Variants in KLHL1 observed in about 807,000 individuals in gnomAD.
KLHL1 encodes the protein kelch like family member 1.
A neutral mutation model predicts 77.7 loss-of-function variants in KLHL1; 47 were observed. The observed-to-expected ratio is 0.60, with a 90% CI of 0.48 to 0.77. The LOEUF (loss-of-function observed/expected upper bound fraction) is 0.77, where lower values mean the gene tolerates loss of function less well. Ranked by LOEUF, KLHL1 falls within the 30% of genes least tolerant of loss-of-function variation. The probability of loss-of-function intolerance (pLI) is 0.00; values close to 1 mark genes in which losing one functional copy is unlikely to be tolerated. For synonymous variants in KLHL1, 360 were observed against 325.2 expected, an observed-to-expected ratio of 1.11 and a Z score of -1.15; for missense variants, 925 against 910.8, an observed-to-expected ratio of 1.02 and a Z score of -0.20.
At position 70,107,211 on chromosome 13, in the gene KLHL1, A is replaced by G. The variant is rs1407226664; in HGVS notation, c.489T>C (p.Cys163=). The change falls in exon 1 of 11, where the codon TGT becomes TGC. Residue 163 remains cysteine, a synonymous_variant. Coordinates refer to ENST00000377844, the MANE Select transcript of KLHL1 (RefSeq NM_020866.3). The stretch of plus-strand genomic sequence containing the variant: ...GTGGGGACTTACTGTACCTGTGTCC[A>G]CATCCTTCACCTGTTGCCTGGCTAG... ...DNSSQATGEG[C]GHRLSSTGHS... is the part of the protein sequence containing the mutation. 2.5e-6 allele frequency: 4 copies of G among 1,607,528 alleles called. No individual in the cohort carries two copies. In the African/African-American group the frequency reaches 5.3e-5, roughly 21 times the overall value.
intron 1 of KLHL1, among the ~76,000 whole-genome samples, chr13:70,077,131 T>G (rs1375844493): frequency 6.6e-6 from 1 of 151,974 alleles, no homozygotes; most frequent in Non-Finnish European, 1.5e-5. Context: ...AGATATTTAC[T>G]CAAACGAGTT....
At chr13:69,813,503 C>CACACACATAT (rs34163072) in intron 6 of KLHL1, among the ~76,000 whole-genome samples, 27 of 148,916 alleles carry the variant, frequency 1.8e-4, no homozygotes, top group African/African-American at 4.2e-4. Context: ...CACACACACA[C>CACACACATAT]ATATATATAT....
rs1215310894 is a variant in KLHL1, at chr13:69,982,260, C to T, written c.498-6458G>A. Among the ~76,000 whole-genome samples, 4 of 151,504 alleles carry T rather than the reference C, an allele frequency of 2.6e-5. No individual in the cohort carries two copies. The South Asian group carries it at 6.2e-4, about 24-fold the overall frequency. ...ACCAGCCTGGGCAACACGGTGAAAC[C>T]CTGTCTCTGCTAAAAATACTAAAAA... On this transcript the variant is annotated intron_variant, in intron 1 of 10. Coordinates refer to ENST00000377844, the MANE Select transcript of KLHL1 (RefSeq NM_020866.3).
chr13:69,701,882 C>A, intron 10 of KLHL1, 121 bp from the exon 11 acceptor site: 1 of 689,716 alleles, frequency 1.4e-6, no homozygotes, highest in Non-Finnish European at 2.4e-6. Context: ...CCATTTTAGC[C>A]AGAAGTAGTA....
chr13:69,849,794 G>A (rs1483847992), intron 5 of KLHL1, among the ~76,000 whole-genome samples: 1 of 151,454 alleles, frequency 6.6e-6, no homozygotes, highest in African/African-American at 2.4e-5. Flanking sequence ...ATTTGCTCAA[G>A]AACTATTTAA....
chr13:69,965,828 CACA>C (rs1388832416), intron 2 of KLHL1, among the ~76,000 whole-genome samples: 2 of 152,102 alleles, frequency 1.3e-5, no homozygotes, highest in African/African-American at 4.8e-5. Context: ...TGAAACCTGC[CACA>C]ACACTTCCTT....
intron 1 of KLHL1, among the ~76,000 whole-genome samples, chr13:69,984,770 A>G (rs1178039265): frequency 6.6e-6 from 1 of 152,076 alleles, no homozygotes; most frequent in Non-Finnish European, 1.5e-5. Context: ...AGGGACCTCG[A>G]GTATTACCCC....
chr13:69,894,985 C>G (rs1220005110), intron 4 of KLHL1: 1 of 497,480 alleles, frequency 2.0e-6, no homozygotes, highest in African/African-American at 2.0e-5. Flanking sequence ...GTGTTCTGAG[C>G]TCACAAATGT....
chr13:70,068,550 C>T (rs1225518994), intron 1 of KLHL1, among the ~76,000 whole-genome samples: 2 of 152,162 alleles, frequency 1.3e-5, no homozygotes, highest in African/African-American at 2.4e-5. Flanking sequence ...CTACAATGAA[C>T]TTCCAATATT....
chr13:70,025,690 A>G (rs1412185214), intron 1 of KLHL1, among the ~76,000 whole-genome samples: 1 of 150,790 alleles, frequency 6.6e-6, no homozygotes, highest in Admixed American at 6.6e-5. Context: ...TACTATATAT[A>G]TTATATATAG....
chr13:69,911,692 C>T (rs751974040), intron 4 of KLHL1, among the ~76,000 whole-genome samples: 23 of 151,976 alleles, frequency 1.5e-4, no homozygotes, highest in Non-Finnish European at 2.8e-4. Context: ...TGTATTACCA[C>T]ATCAACTGTG....
At chr13:70,089,463 A>ATT (rs1288577680) in intron 1 of KLHL1, among the ~76,000 whole-genome samples, 1 of 152,098 alleles carries the variant, frequency 6.6e-6, no homozygotes, top group Non-Finnish European at 1.5e-5. Context: ...ATCCAATTTA[A>ATT]TTTTAATCTT....
At chr13:70,094,060 C>T (rs770346986) in intron 1 of KLHL1, among the ~76,000 whole-genome samples, 11 of 151,960 alleles carry the variant, frequency 7.2e-5, no homozygotes, top group Non-Finnish European at 1.3e-4. Flanking sequence ...CTTTAACTTA[C>T]CAGTAGTTCT....
chr13:70,036,745 G>T (rs934382689), intron 1 of KLHL1, among the ~76,000 whole-genome samples: 1 of 149,678 alleles, frequency 6.7e-6, no homozygotes, highest in Admixed American at 6.7e-5. Flanking sequence ...TCTCTCATTA[G>T]ACTTTGAAAC....
chr13:70,034,350 T>C (rs1334808873), intron 1 of KLHL1, among the ~76,000 whole-genome samples: 1 of 152,184 alleles, frequency 6.6e-6, no homozygotes, highest in Non-Finnish European at 1.5e-5. Flanking sequence ...CTCTTCCCTA[T>C]TCCAAACTAG....
chr13:69,858,159 G>T (rs1378859624), intron 5 of KLHL1, among the ~76,000 whole-genome samples: 1 of 151,988 alleles, frequency 6.6e-6, no homozygotes, highest in Non-Finnish European at 1.5e-5. Context: ...AGACATTTCA[G>T]CCATGTCGTC....
At chr13:70,088,663 A>G (rs561294278) in intron 1 of KLHL1, among the ~76,000 whole-genome samples, 2 of 150,692 alleles carry the variant, frequency 1.3e-5, no homozygotes, top group African/African-American at 5.0e-5. Context: ...AGCCTGGGGT[A>G]ACAGAGCAAG....
chr13:69,881,686 T>C (rs2138194291), intron 5 of KLHL1, among the ~76,000 whole-genome samples: 1 of 152,314 alleles, frequency 6.6e-6, no homozygotes, highest in Non-Finnish European at 1.5e-5. Flanking sequence ...TTCTGTACCC[T>C]ACTTAACTCA....
intron 1 of KLHL1, among the ~76,000 whole-genome samples, chr13:70,018,093 T>C (rs1438463604): frequency 1.3e-5 from 2 of 152,124 alleles, no homozygotes; most frequent in African/African-American, 2.4e-5. Context: ...ATGAAAATAC[T>C]GTTAGATAGA....
Sources: allele counts gnomAD v4.1 joint callset (sites outside exome capture counted in the v4.1 genomes callset), GRCh38; gene constraint gnomAD v4.1.1; transcripts MANE v1.5; gene names NCBI Gene and HGNC (gene_info 2026-07-23, HGNC 2026-07-21).